Variants in VPS13B observed in about 807,000 individuals in gnomAD.
VPS13B encodes the protein intermembrane lipid transfer protein VPS13B.
Under a neutral mutation model 426.4 loss-of-function variants are expected in VPS13B, and 285 were observed. The ratio of observed to expected loss-of-function variants is 0.67; its 90% CI spans 0.61 to 0.74. The LOEUF (loss-of-function observed/expected upper bound fraction) is 0.74, where lower values mean the gene tolerates loss of function less well. Among genes scored for constraint, VPS13B ranks in the 30% least tolerant of loss-of-function variants. VPS13B has a pLI of 0.00. For missense variants in VPS13B, 4,537 were observed against 4,782.6 expected (o/e 0.95, Z 1.51); for synonymous variants, 1,676 against 1,676.4 (o/e 1.00, Z 0.01).
At position 99,373,927 on chromosome 8, in the gene VPS13B, C is replaced by T. The variant is rs528341410; in HGVS notation, c.2825-10281C>T. ...TCCTTCTGTAGAATTAAGTTTATAT[C>T]TAGTATAATTTCCTTTCAATCTAAA... On this transcript the variant is annotated intron_variant, in intron 19 of 61. Coordinates refer to ENST00000357162, the MANE Select transcript of VPS13B (RefSeq NM_152564.5). Among the ~76,000 whole-genome samples, 46 of 152,226 alleles carry T rather than the reference C, an allele frequency of 3.0e-4. No individual in the cohort carries two copies. The South Asian group carries it at 9.1e-3, about 30-fold the overall frequency.
chr8:99,185,679 A>T (rs1056171720), intron 16 of VPS13B, among the ~76,000 whole-genome samples: 2 of 152,172 alleles, frequency 1.3e-5, no homozygotes, highest in East Asian at 3.8e-4. Flanking sequence ...AAAAGAATGG[A>T]TGGCTGTTCC....
At chr8:99,666,610 C>A (rs549991914) in intron 35 of VPS13B, among the ~76,000 whole-genome samples, 1 of 152,068 alleles carries the variant, frequency 6.6e-6, no homozygotes, top group African/African-American at 2.4e-5. Flanking sequence ...ATTCAACAAC[C>A]CTTCATGCTA....
At chr8:99,540,021 A>ATG (rs1823482118) in intron 30 of VPS13B, among the ~76,000 whole-genome samples, 2 of 964 alleles carry the variant, frequency 2.1e-3, no homozygotes, top group Non-Finnish European at 4.8e-3. Context: ...AATTATATAT[A>ATG]TATATATATA....
intron 21 of VPS13B, among the ~76,000 whole-genome samples, chr8:99,418,376 A>G (rs1288279663): frequency 6.7e-6 from 1 of 149,844 alleles, no homozygotes. Flanking sequence ...AAACTATACC[A>G]TATAGCAATA....
intron 36 of VPS13B, among the ~76,000 whole-genome samples, chr8:99,711,254 G>A (rs1422215491): frequency 1.3e-5 from 2 of 152,144 alleles, no homozygotes; most frequent in African/African-American, 2.4e-5. Context: ...GGGAGGAGTT[G>A]AATCAGTTGT....
intron 58 of VPS13B, among the ~76,000 whole-genome samples, chr8:99,865,913 A>G (rs1362965743): frequency 1.3e-5 from 2 of 152,190 alleles, no homozygotes; most frequent in Admixed American, 6.5e-5. Context: ...AAGGCCTAGG[A>G]GCAAGTCACA....
chr8:99,192,196 A>G (rs1813638363), intron 16 of VPS13B, among the ~76,000 whole-genome samples: 1 of 152,208 alleles, frequency 6.6e-6, no homozygotes, highest in South Asian at 2.1e-4. Context: ...TTATTCATAG[A>G]CAAAACCAAA....
intron 54 of VPS13B, among the ~76,000 whole-genome samples, chr8:99,848,039 A>G (rs1816070722): frequency 1.3e-5 from 2 of 152,176 alleles, no homozygotes; most frequent in Non-Finnish European, 2.9e-5. Context: ...CTGGCTGTGA[A>G]CATGATGTTC....
At chr8:99,218,182 T>C (rs1815490420) in intron 17 of VPS13B, among the ~76,000 whole-genome samples, 1 of 152,196 alleles carries the variant, frequency 6.6e-6, no homozygotes. Flanking sequence ...GGCCTGGTCT[T>C]GTATTGCTTA....
chr8:99,038,200 A>G (rs1842829494), intron 2 of VPS13B, among the ~76,000 whole-genome samples: 1 of 152,114 alleles, frequency 6.6e-6, no homozygotes, highest in Admixed American at 6.5e-5. Context: ...ATTTGATGCT[A>G]CTTTTTGATA....
At chr8:99,659,006 T>A (rs777512657) in intron 34 of VPS13B, among the ~76,000 whole-genome samples, 10 of 152,066 alleles carry the variant, frequency 6.6e-5, no homozygotes, top group Non-Finnish European at 1.3e-4. Context: ...AATTTTTTTG[T>A]ATTTTTTTTG....
intron 2 of VPS13B, among the ~76,000 whole-genome samples, chr8:99,030,165 T>C (rs1842441384): frequency 7.2e-6 from 1 of 138,384 alleles, no homozygotes; most frequent in South Asian, 2.3e-4. Flanking sequence ...TACTTAATAG[T>C]ATCCCATAGG....
intron 3 of VPS13B, among the ~76,000 whole-genome samples, chr8:99,040,838 A>G (rs933458403): frequency 1.3e-5 from 2 of 152,176 alleles, no homozygotes; most frequent in Non-Finnish European, 2.9e-5. Flanking sequence ...AGGTAGGAAT[A>G]TGAGGCTTAA....
chr8:99,248,314 C>T (rs1296990362), intron 17 of VPS13B, among the ~76,000 whole-genome samples: 5 of 151,964 alleles, frequency 3.3e-5, no homozygotes, highest in Non-Finnish European at 7.4e-5. Flanking sequence ...AAATGAATCT[C>T]CCCAAAATTT....
intron 27 of VPS13B, among the ~76,000 whole-genome samples, chr8:99,504,562 C>G (rs1821399608): frequency 1.3e-5 from 2 of 152,150 alleles, no homozygotes; most frequent in African/African-American, 4.8e-5. Flanking sequence ...CAATGAGCTA[C>G]TGCTCATTTA....
At chr8:99,478,447 G>GTTTATTTTTTTTTTTTTGTTTT (rs1819822603) in intron 24 of VPS13B, among the ~76,000 whole-genome samples, 1 of 85,778 alleles carries the variant, frequency 1.2e-5, no homozygotes, top group African/African-American at 5.1e-5. Context: ...TTTTTGTTTT[G>GTTTATTTTTTTTTTTTTGTTTT]TTTTTTTTTT....
chr8:99,853,294 A>G (rs1468299405), intron 55 of VPS13B, among the ~76,000 whole-genome samples, 157 bp from the exon 56 acceptor site: 1 of 152,220 alleles, frequency 6.6e-6, no homozygotes, highest in Non-Finnish European at 1.5e-5. Context: ...GACTCCGTCC[A>G]GACACAATGT....
intron 35 of VPS13B, among the ~76,000 whole-genome samples, chr8:99,668,785 A>G (rs1830586706): frequency 6.6e-6 from 1 of 152,164 alleles, no homozygotes; most frequent in Non-Finnish European, 1.5e-5. Flanking sequence ...ATTAGTTGGA[A>G]CAAATTGGAA....
intron 25 of VPS13B, among the ~76,000 whole-genome samples, chr8:99,493,154 A>G (rs959299429): frequency 6.6e-6 from 1 of 152,138 alleles, no homozygotes; most frequent in Non-Finnish European, 1.5e-5. Context: ...GAGGTTGCTA[A>G]TTGTTTAGGA....
Sources: allele counts gnomAD v4.1 joint callset (sites outside exome capture counted in the v4.1 genomes callset), GRCh38; gene constraint gnomAD v4.1.1; transcripts MANE v1.5; gene names NCBI Gene and HGNC (gene_info 2026-07-23, HGNC 2026-07-21).